The following PLCB1 variants were observed in gnomAD, a reference collection of about 807,000 sequenced individuals.
PLCB1 encodes the protein 1-phosphatidylinositol 4,5-bisphosphate phosphodiesterase beta-1.
PLCB1 carries 46 observed loss-of-function variants against 161.8 expected under a neutral mutation model. The ratio of observed to expected loss-of-function variants is 0.28; its 90% CI spans 0.22 to 0.36. PLCB1 has a LOEUF of 0.36. Among genes scored for constraint, PLCB1 ranks in the 10% least tolerant of loss-of-function variants. The pLI is 1.00. For missense variants in PLCB1, 1,016 were observed against 1,472.5 expected, an observed-to-expected ratio of 0.69 and a Z score of 5.07; for synonymous variants, 517 against 503.7, an observed-to-expected ratio of 1.03 and a Z score of -0.35.
At chr20:8,658,821 T>G (rs1302051305) in intron 9 of PLCB1, 117 bp downstream of exon 9, 1 of 829,260 alleles carries the variant, frequency 1.2e-6, no homozygotes, top group Non-Finnish European at 1.9e-6. Flanking sequence ...TACAAGGCAT[T>G]CCTTTCGGTC....
intron 2 of PLCB1, among the ~76,000 whole-genome samples, chr20:8,152,590 G>A (rs1400629766): frequency 6.6e-6 from 1 of 151,956 alleles, no homozygotes; most frequent in Admixed American, 6.6e-5. Flanking sequence ...CTGGCAATTA[G>A]TTTTAGGAAT....
chr20:8,750,610 G>GT (rs1555788018), intron 23 of PLCB1, among the ~76,000 whole-genome samples: 4 of 152,140 alleles, frequency 2.6e-5, no homozygotes, highest in Non-Finnish European at 5.9e-5. Flanking sequence ...AAACGTTTGG[G>GT]AGTGCATACA....
At chr20:8,680,743 AATAT>A (rs1201681645) in intron 9 of PLCB1, among the ~76,000 whole-genome samples, 1 of 152,060 alleles carries the variant, frequency 6.6e-6, no homozygotes, top group Non-Finnish European at 1.5e-5. Context: ...TAAATTCTTT[AATAT>A]AATTATAAAT....
intron 3 of PLCB1, among the ~76,000 whole-genome samples, chr20:8,503,865 G>A (rs950325580): frequency 1.1e-4 from 17 of 152,146 alleles, no homozygotes; most frequent in South Asian, 6.2e-4. Flanking sequence ...TAGAAAAGTC[G>A]AATGTAAAAG....
intron 2 of PLCB1, among the ~76,000 whole-genome samples, chr20:8,340,857 T>C (rs750578022): frequency 1.4e-4 from 21 of 152,192 alleles, no homozygotes; most frequent in Non-Finnish European, 2.8e-4. Context: ...CCTTTCCCAG[T>C]CTCAACAGAG....
intron 3 of PLCB1, among the ~76,000 whole-genome samples, chr20:8,377,482 G>A (rs1404182055): frequency 6.6e-6 from 1 of 152,164 alleles, no homozygotes; most frequent in Non-Finnish European, 1.5e-5. Flanking sequence ...TTCCACTGGT[G>A]GCTGTTGGGA....
chr20:8,578,474 C>T (rs1986742015), intron 3 of PLCB1, among the ~76,000 whole-genome samples: 1 of 152,096 alleles, frequency 6.6e-6, no homozygotes, highest in South Asian at 2.1e-4. Context: ...GTTGAGTGAC[C>T]ACAAGGGCCA....
intron 2 of PLCB1, among the ~76,000 whole-genome samples, chr20:8,262,530 G>A (rs1981754526): frequency 6.6e-6 from 1 of 152,122 alleles, no homozygotes; most frequent in East Asian, 1.9e-4. Flanking sequence ...AGAGCATGCC[G>A]CTCAGCAGAA....
intron 31 of PLCB1, among the ~76,000 whole-genome samples, chr20:8,807,524 C>T (rs1003907757): frequency 4.6e-5 from 7 of 150,732 alleles, no homozygotes; most frequent in African/African-American, 1.7e-4. Context: ...ATCTGGGAAC[C>T]GTGAATGCTT....
intron 3 of PLCB1, among the ~76,000 whole-genome samples, chr20:8,559,175 G>A (rs893323817): frequency 6.6e-6 from 1 of 151,824 alleles, no homozygotes; most frequent in Non-Finnish European, 1.5e-5. Context: ...GATATAGTCT[G>A]TGACAAAAAC....
At chr20:8,356,686 T>C (rs1220141252) in intron 2 of PLCB1, among the ~76,000 whole-genome samples, 3 of 152,218 alleles carry the variant, frequency 2.0e-5, no homozygotes, top group South Asian at 4.1e-4. Context: ...TACTTAATTT[T>C]GACTGACCCA....
At chr20:8,238,149 T>G (rs368582476) in intron 2 of PLCB1, among the ~76,000 whole-genome samples, 5 of 152,178 alleles carry the variant, frequency 3.3e-5, no homozygotes, top group East Asian at 3.9e-4. Flanking sequence ...ACTCTTAAAC[T>G]TCCTGGAAGG....
At chr20:8,445,373 T>A (rs547935327) in intron 3 of PLCB1, among the ~76,000 whole-genome samples, 1 of 152,202 alleles carries the variant, frequency 6.6e-6, no homozygotes, top group East Asian at 1.9e-4. Context: ...GTGGTATTAT[T>A]TCTGAGGGCT....
At chr20:8,238,322 A>G (rs967662833) in intron 2 of PLCB1, among the ~76,000 whole-genome samples, 3 of 152,058 alleles carry the variant, frequency 2.0e-5, no homozygotes, top group Non-Finnish European at 4.4e-5. Context: ...GGTGATACTC[A>G]TATAGGAGTC....
At chr20:8,647,976 A>G (rs1186528748) in intron 6 of PLCB1, 23 bp downstream of exon 6, 3 of 1,503,628 alleles carry the variant, frequency 2.0e-6, no homozygotes, top group South Asian at 1.2e-5. Context: ...AGCATTTCTC[A>G]TTATTCATTT....
intron 9 of PLCB1, among the ~76,000 whole-genome samples, chr20:8,664,583 G>A (rs1989763534): frequency 6.6e-6 from 1 of 152,082 alleles, no homozygotes; most frequent in South Asian, 2.1e-4. Flanking sequence ...CTTGAAAACT[G>A]TAGTTTTAGT....
chr20:8,548,343 CTT>C (rs745325463), intron 3 of PLCB1, among the ~76,000 whole-genome samples: 8 of 139,384 alleles, frequency 5.7e-5, no homozygotes, highest in Non-Finnish European at 1.2e-4. Context: ...CTCTTTGTTT[CTT>C]TCTTTCTTTT....
chr20:8,164,072 T>C (rs10485720), intron 2 of PLCB1, among the ~76,000 whole-genome samples: 23,952 of 152,214 alleles, frequency 0.16, 2,354 homozygotes, highest in Admixed American at 0.24. Context: ...CTGTGATGTA[T>C]GGATCTAAAG....
chr20:8,356,423 A>G (rs956668043), intron 2 of PLCB1, among the ~76,000 whole-genome samples: 2 of 152,132 alleles, frequency 1.3e-5, no homozygotes, highest in Non-Finnish European at 2.9e-5. Flanking sequence ...GAGTAACCAG[A>G]TGATGTGATG....
Sources: allele counts gnomAD v4.1 joint callset (sites outside exome capture counted in the v4.1 genomes callset), GRCh38; gene constraint gnomAD v4.1.1; transcripts MANE v1.5; gene names NCBI Gene and HGNC (gene_info 2026-07-23, HGNC 2026-07-21).